YWHAG: variants seen among roughly 807,000 people sequenced by gnomAD.
The protein encoded by YWHAG is tyrosine 3-monooxygenase/tryptophan 5-monooxygenase activation protein gamma.
Under a neutral mutation model 23.3 loss-of-function variants are expected in YWHAG, and 1 was observed. The observed-to-expected ratio is 0.04, with a 90% CI of 0.02 to 0.20. The LOEUF is 0.20. Ranked by LOEUF, YWHAG falls within the 10% of genes least tolerant of loss-of-function variation. YWHAG has a pLI of 1.00. For missense variants in YWHAG, 151 were observed against 338.6 expected (o/e 0.45, Z 4.35); for synonymous variants, 160 against 144.0 (o/e 1.11, Z -0.80).
At chr7:76,331,286 G>GGGATGGGGATGGGGAGGGGAGA (rs1554616743) in intron 1 of YWHAG, among the ~76,000 whole-genome samples, 1 of 150,188 alleles carries the variant, frequency 6.7e-6, no homozygotes, top group African/African-American at 2.5e-5. Flanking sequence ...GCTGGGGATG[G>GGGATGGGGATGGGGAGGGGAGA]GGAGAGGAGA....
chr7:76,327,843 T>G lies in YWHAG; in HGVS notation c.*1734A>C, dbSNP rs538772970. The stretch of plus-strand genomic sequence containing the variant: ...GCCTCCTAAGGAAAGTCATGCTGGG[T>G]AAACTGTGCGATGTTACAGAGCACA... On this transcript the variant is annotated 3_prime_UTR_variant, in exon 2 of 2. Coordinates refer to ENST00000307630, the MANE Select transcript of YWHAG (RefSeq NM_012479.4). 6.6e-6 allele frequency: 1 copy of G among 152,244 alleles called. No homozygotes were observed. The highest frequency in any genetic ancestry group is 6.5e-5 in the Admixed American group (1 of 15,288). 9.4% of individuals were successfully genotyped at this position (152,244 alleles called of 1,614,324 possible).
At chr7:76,342,282 A>G (rs963757794) in intron 1 of YWHAG, among the ~76,000 whole-genome samples, 5 of 152,214 alleles carry the variant, frequency 3.3e-5, no homozygotes, top group African/African-American at 1.2e-4. Flanking sequence ...GATCCCACCA[A>G]TACGGAGGAA....
At chr7:76,357,815 T>C (rs1803983200) in intron 1 of YWHAG, among the ~76,000 whole-genome samples, 3 of 152,194 alleles carry the variant, frequency 2.0e-5, no homozygotes, top group Non-Finnish European at 4.4e-5. Context: ...ACGGCTTTGT[T>C]TGCACTATCA....
At chr7:76,336,451 C>CTTTTTTT (rs35137930) in intron 1 of YWHAG, among the ~76,000 whole-genome samples, 1 of 116,712 alleles carries the variant, frequency 8.6e-6, no homozygotes, top group African/African-American at 3.4e-5. Context: ...GAAAGTCTGG[C>CTTTTTTT]TTTTTTTTTT....
rs1196862488 is a variant in YWHAG at position 76,327,910 on chromosome 7, C to A, written c.*1667G>T. Reference sequence around the variant, plus strand: ...CGTGGTTCTTCTATCTTCACTGTCACCTGTATCCTGTTACACATACTCAGT... The same window carrying A: ...CGTGGTTCTTCTATCTTCACTGTCAACTGTATCCTGTTACACATACTCAGT... On this transcript the variant is annotated 3_prime_UTR_variant, in exon 2 of 2. Coordinates refer to ENST00000307630, the MANE Select transcript of YWHAG (RefSeq NM_012479.4). The A allele has an allele frequency of 6.6e-6, 1 of 152,088 alleles. No individual in the cohort carries two copies. Among genetic ancestry groups the A allele is most frequent in the Non-Finnish European group, 1.5e-5 (1 of 68,026 alleles). 9.4% of individuals were successfully genotyped at this position (152,088 alleles called of 1,614,324 possible).
intron 1 of YWHAG, among the ~76,000 whole-genome samples, chr7:76,331,852 T>G (rs892525462): frequency 6.6e-6 from 1 of 151,154 alleles, no homozygotes. Flanking sequence ...AAAAAAAAAT[T>G]TTTTTTCTTA....
intron 1 of YWHAG, among the ~76,000 whole-genome samples, chr7:76,341,485 A>T (rs1453062104): frequency 1.3e-5 from 2 of 151,826 alleles, no homozygotes; most frequent in African/African-American, 4.8e-5. Context: ...AAAGGTGGAA[A>T]CAATGCAAAT....
intron 1 of YWHAG, among the ~76,000 whole-genome samples, chr7:76,350,510 TGAATG>T (rs1395325437): frequency 3.3e-5 from 5 of 152,310 alleles, no homozygotes; most frequent in African/African-American, 4.8e-5. Context: ...AGGAGCTTAC[TGAATG>T]CCTACTGCTT....
chr7:76,358,224 T>C (rs544184342), intron 1 of YWHAG, among the ~76,000 whole-genome samples: 3 of 150,954 alleles, frequency 2.0e-5, no homozygotes, highest in African/African-American at 7.3e-5. Context: ...GGACAGACAG[T>C]GGGGAAGATT....
At chr7:76,349,410 T>C (rs986926466) in intron 1 of YWHAG, among the ~76,000 whole-genome samples, 2 of 140,512 alleles carry the variant, frequency 1.4e-5, no homozygotes, top group Admixed American at 7.4e-5. Context: ...TTGGTCATCA[T>C]TTATTAATAC....
chr7:76,333,577 A>G (rs12673876), intron 1 of YWHAG, among the ~76,000 whole-genome samples: 2 of 152,000 alleles, frequency 1.3e-5, no homozygotes, highest in Non-Finnish European at 2.9e-5. Flanking sequence ...CCTCTTCTCT[A>G]TATTAAGCGG....
At chr7:76,358,401 C>T (rs1401984579) in intron 1 of YWHAG, among the ~76,000 whole-genome samples, 1 of 152,210 alleles carries the variant, frequency 6.6e-6, no homozygotes, top group Non-Finnish European at 1.5e-5. Flanking sequence ...CGCACGCCTC[C>T]CCGCTCGGGT....
intron 1 of YWHAG, among the ~76,000 whole-genome samples, chr7:76,335,822 T>TGC (rs1803607405): frequency 6.6e-6 from 1 of 152,156 alleles, no homozygotes; most frequent in South Asian, 2.1e-4. Context: ...GTGGTGTGCA[T>TGC]GCCTGTAATC....
intron 1 of YWHAG, among the ~76,000 whole-genome samples, chr7:76,358,161 G>A (rs1029974053): frequency 1.3e-5 from 2 of 152,116 alleles, no homozygotes; most frequent in African/African-American, 2.4e-5. Flanking sequence ...CGGAGCTCAG[G>A]TTTTCAAGAG....
At chr7:76,336,657 C>T (rs927954959) in intron 1 of YWHAG, among the ~76,000 whole-genome samples, 3 of 151,734 alleles carry the variant, frequency 2.0e-5, no homozygotes, top group East Asian at 1.9e-4. Context: ...GGTTTCACCA[C>T]GTTGGCCAGG....
intron 1 of YWHAG, among the ~76,000 whole-genome samples, chr7:76,346,593 C>G (rs1166089721): frequency 6.6e-6 from 1 of 152,112 alleles, no homozygotes; most frequent in Admixed American, 6.5e-5. Context: ...TCTTTTCCAC[C>G]ATTTTCTCCT....
At chr7:76,355,129 T>C (rs1019325598) in intron 1 of YWHAG, among the ~76,000 whole-genome samples, 2 of 152,212 alleles carry the variant, frequency 1.3e-5, no homozygotes, top group Admixed American at 6.5e-5. Context: ...TTCTTCAACA[T>C]AGGTGATGGC....
At chr7:76,358,133 G>T (rs933030344) in intron 1 of YWHAG, among the ~76,000 whole-genome samples, 1 of 152,192 alleles carries the variant, frequency 6.6e-6, no homozygotes, top group Non-Finnish European at 1.5e-5. Context: ...TGAGCAAGGT[G>T]GTTTCGATTT....
At chr7:76,344,352 C>T (rs1384813265) in intron 1 of YWHAG, among the ~76,000 whole-genome samples, 2 of 152,126 alleles carry the variant, frequency 1.3e-5, no homozygotes, top group Non-Finnish European at 2.9e-5. Flanking sequence ...CTCAGGTGAT[C>T]AGCCCACCTC....
Sources: gnomAD v4.1 joint callset for allele counts (sites outside exome capture counted in the v4.1 genomes callset) on GRCh38, gnomAD v4.1.1 for gene constraint, MANE v1.5 for transcripts, NCBI Gene and HGNC (gene_info 2026-07-23, HGNC 2026-07-21) for gene names.